Variants in KCNIP4 observed in about 807,000 individuals in gnomAD.
KCNIP4 encodes the protein Kv channel-interacting protein 4.
KCNIP4 carries 12 observed loss-of-function variants against 34.0 expected under a neutral mutation model. The observed-to-expected ratio is 0.35, with a 90% CI of 0.23 to 0.57. The LOEUF (loss-of-function observed/expected upper bound fraction) is 0.57. KCNIP4 is among the 20% of genes least tolerant of loss of function. The pLI, the probability that KCNIP4 is intolerant of heterozygous loss-of-function variation, is 0.83. For missense variants in KCNIP4, 238 were observed against 311.7 expected (o/e 0.76, Z 1.78); for synonymous variants, 124 against 102.2 (o/e 1.21, Z -1.29).
At chr4:20,745,141 A>G (rs892982146) in intron 5 of KCNIP4, among the ~76,000 whole-genome samples, 4 of 152,130 alleles carry the variant, frequency 2.6e-5, no homozygotes, top group Admixed American at 2.0e-4. Context: ...TTGCAGCCCT[A>G]CAGGGTCCCA....
At chr4:21,183,246 C>T (rs540072218) in intron 1 of KCNIP4, among the ~76,000 whole-genome samples, 19 of 152,204 alleles carry the variant, frequency 1.2e-4, no homozygotes, top group African/African-American at 4.6e-4. Flanking sequence ...TTTTATTTAT[C>T]CATTCATCTG....
chr4:21,812,227 G>T (rs1211103640), intron 1 of KCNIP4, among the ~76,000 whole-genome samples: 1 of 151,848 alleles, frequency 6.6e-6, no homozygotes, highest in East Asian at 1.9e-4. Flanking sequence ...ACTATTAACT[G>T]GACTCCTAAC....
At chr4:21,007,647 T>C (rs1053954704) in intron 1 of KCNIP4, among the ~76,000 whole-genome samples, 2 of 152,184 alleles carry the variant, frequency 1.3e-5, no homozygotes, top group African/African-American at 4.8e-5. Flanking sequence ...AAATGTAATC[T>C]TTAGGCAACC....
intron 1 of KCNIP4, among the ~76,000 whole-genome samples, chr4:21,257,838 A>C (rs1442137229): frequency 6.6e-6 from 1 of 152,218 alleles, no homozygotes; most frequent in East Asian, 1.9e-4. Context: ...CATGACTCTG[A>C]TGTGCATCAA....
intron 1 of KCNIP4, among the ~76,000 whole-genome samples, chr4:21,935,973 T>A (rs980425945): frequency 1.3e-5 from 2 of 151,144 alleles, no homozygotes; most frequent in Non-Finnish European, 2.9e-5. Flanking sequence ...TATATATATA[T>A]ATATATGCGC....
intron 1 of KCNIP4, among the ~76,000 whole-genome samples, chr4:21,226,387 T>C (rs1466180797): frequency 2.1e-5 from 2 of 93,756 alleles, no homozygotes; most frequent in Admixed American, 1.9e-4. Flanking sequence ...AGGAAGGAAA[T>C]AATTCGGTGT....
intron 1 of KCNIP4, among the ~76,000 whole-genome samples, chr4:21,542,656 C>T (rs1309541148): frequency 2.0e-5 from 3 of 150,696 alleles, no homozygotes; most frequent in African/African-American, 7.3e-5. Flanking sequence ...TTACGAATTA[C>T]GTTGCATGAA....
chr4:21,540,731 AT>A (rs1737609500), intron 1 of KCNIP4, among the ~76,000 whole-genome samples: 1 of 152,196 alleles, frequency 6.6e-6, no homozygotes, highest in Admixed American at 6.5e-5. Flanking sequence ...GATCTAACTT[AT>A]AAAGAATACA....
At chr4:21,211,884 C>G (rs1757246754) in intron 1 of KCNIP4, among the ~76,000 whole-genome samples, 1 of 151,646 alleles carries the variant, frequency 6.6e-6, no homozygotes, top group African/African-American at 2.4e-5. Flanking sequence ...AATGCTGTCC[C>G]CTTCCCCACC....
At chr4:21,476,210 T>C (rs988475789) in intron 1 of KCNIP4, among the ~76,000 whole-genome samples, 1 of 151,448 alleles carries the variant, frequency 6.6e-6, no homozygotes, top group African/African-American at 2.4e-5. Flanking sequence ...TAATCTATAC[T>C]TATACCTATA....
chr4:21,637,398 A>G (rs1426809147), intron 1 of KCNIP4, among the ~76,000 whole-genome samples: 1 of 152,150 alleles, frequency 6.6e-6, no homozygotes, highest in Non-Finnish European at 1.5e-5. Context: ...CATGACGAGC[A>G]CTGTGCTAAG....
intron 2 of KCNIP4, among the ~76,000 whole-genome samples, chr4:20,860,051 A>G (rs1382021015): frequency 6.6e-6 from 1 of 152,204 alleles, no homozygotes; most frequent in Non-Finnish European, 1.5e-5. Context: ...AAGGTGCTCC[A>G]TAAGAGAATG....
chr4:21,254,870 C>A (rs952777203), intron 1 of KCNIP4, among the ~76,000 whole-genome samples: 7 of 152,224 alleles, frequency 4.6e-5, no homozygotes, highest in Non-Finnish European at 8.8e-5. Flanking sequence ...AGTTCCTGGT[C>A]TCTCATTGTC....
chr4:21,223,768 T>G (rs1465414757), intron 1 of KCNIP4, among the ~76,000 whole-genome samples: 1 of 152,162 alleles, frequency 6.6e-6, no homozygotes, highest in Non-Finnish European at 1.5e-5. Flanking sequence ...TCTTACTTAG[T>G]TGATGAATAG....
chr4:20,946,703 G>T (rs376572654), intron 1 of KCNIP4, among the ~76,000 whole-genome samples: 4 of 151,968 alleles, frequency 2.6e-5, no homozygotes, highest in African/African-American at 9.7e-5. Flanking sequence ...TATGTGTCAG[G>T]CACCGTGTCT....
chr4:20,851,476 T>C (rs537845239), intron 2 of KCNIP4, among the ~76,000 whole-genome samples: 38 of 152,328 alleles, frequency 2.5e-4, no homozygotes, highest in Non-Finnish European at 5.1e-4. Context: ...CTATTGTGAA[T>C]AGTGCTGCAA....
At chr4:21,699,673 T>G (rs1410307837) in intron 1 of KCNIP4, among the ~76,000 whole-genome samples, 1 of 152,042 alleles carries the variant, frequency 6.6e-6, no homozygotes, top group Non-Finnish European at 1.5e-5. Flanking sequence ...GAGAGAAGGG[T>G]GTGGCTGCTG....
At chr4:20,882,413 G>A (rs1724795755) in intron 2 of KCNIP4, among the ~76,000 whole-genome samples, 195 bp downstream of exon 2, 1 of 152,140 alleles carries the variant, frequency 6.6e-6, no homozygotes, top group African/African-American at 2.4e-5. Context: ...CTAAGACTGT[G>A]CTGTCAGTCT....
At chr4:21,908,020 T>C (rs1006345742) in intron 1 of KCNIP4, among the ~76,000 whole-genome samples, 2 of 152,158 alleles carry the variant, frequency 1.3e-5, no homozygotes, top group Admixed American at 6.5e-5. Flanking sequence ...TTTTGTTCAT[T>C]AAATGGGAGG....
Sources: gnomAD v4.1 joint callset for allele counts (sites outside exome capture counted in the v4.1 genomes callset) on GRCh38, gnomAD v4.1.1 for gene constraint, MANE v1.5 for transcripts, NCBI Gene and HGNC (gene_info 2026-07-23, HGNC 2026-07-21) for gene names.